RPS6KA4: variants seen among roughly 807,000 people sequenced by gnomAD.
RPS6KA4 encodes ribosomal protein S6 kinase alpha-4.
RPS6KA4 carries 38 observed loss-of-function variants against 89.6 expected under a neutral mutation model. That is an observed-to-expected ratio of 0.42 (90% confidence interval 0.33 to 0.56). RPS6KA4 has a LOEUF of 0.56. RPS6KA4 is among the 20% of genes least tolerant of loss of function. RPS6KA4 has a pLI of 0.07. For synonymous variants in RPS6KA4, 495 were observed against 492.8 expected, an observed-to-expected ratio of 1.00 and a Z score of -0.06; for missense variants, 873 against 1,098.8, an observed-to-expected ratio of 0.79 and a Z score of 2.90.
At chr11:64,367,469 C>T (rs1408196183) in intron 9 of RPS6KA4, among the ~76,000 whole-genome samples, 2 of 152,194 alleles carry the variant, frequency 1.3e-5, no homozygotes, top group Non-Finnish European at 2.9e-5. Context: ...TGCCACCACG[C>T]CTGGCTAATT....
At chr11:64,368,322 C>T in intron 10 of RPS6KA4, 62 bp downstream of exon 10, 1 of 1,583,684 alleles carries the variant, frequency 6.3e-7, no homozygotes, top group Non-Finnish European at 8.6e-7. Context: ...GGCCCGGGGA[C>T]TCTAGGCCTA....
rs1306825375 is a variant in RPS6KA4 at position 64,368,933 on chromosome 11, G to T, written c.1428+136G>T. 9 of 799,998 alleles carry T rather than the reference G, an allele frequency of 1.1e-5. No homozygotes were observed. The East Asian group carries it at 1.6e-4, about 14-fold the overall frequency. 49.6% of individuals were successfully genotyped at this position (799,998 alleles called of 1,614,324 possible). A position where few individuals can be genotyped will look rare whatever the true frequency, so the allele number is the denominator to read the frequency against. Reference sequence around the variant, plus strand: ...CGGGGCCCAAAGGGACCAGGGAGGCGCAGGGAGTGGAATTTGAGGGGAGTA... The same window carrying T: ...CGGGGCCCAAAGGGACCAGGGAGGCTCAGGGAGTGGAATTTGAGGGGAGTA... On this transcript the variant is annotated intron_variant, in intron 12 of 16. Transcript: ENST00000334205.
chr11:64,371,589 T>G lies in RPS6KA4; in HGVS notation c.*109T>G. 1 of 588,038 alleles carries G rather than the reference T, an allele frequency of 1.7e-6. No homozygotes were observed. Among genetic ancestry groups the G allele is most frequent in the East Asian group, 2.9e-5 (1 of 34,990 alleles). The allele number at this position is 588,038 out of a possible 1,614,324, so 36.4% of individuals were successfully genotyped here. A position where few individuals can be genotyped will look rare whatever the true frequency, so the allele number is the denominator to read the frequency against. ...ACCTGATCCCCAAGGGACTGTCCTT[T>G]CCTCTCCTACCCCACCCCACTCCCA... On this transcript the variant is annotated 3_prime_UTR_variant, in exon 17 of 17. Transcript: ENST00000334205.
At position 64,369,481 on chromosome 11, in the gene RPS6KA4, C is replaced by T; in HGVS notation, c.1464C>T (p.Gly488=). The part of the protein sequence containing the change: ...HTYLVLELLR[G]GELLEHIRKK... ...ACCTGGTCCTGGAGCTGCTGCGGGGCGGGGAGCTGCTGGAGCACATCCGCA... is the reference window on the plus strand; with the variant it reads ...ACCTGGTCCTGGAGCTGCTGCGGGGTGGGGAGCTGCTGGAGCACATCCGCA... The change falls in exon 13 of 17, where the codon GGC becomes GGT. Residue 488 remains glycine (G), a synonymous_variant. Transcript: ENST00000334205. The T allele has an allele frequency of 1.2e-6, 2 of 1,608,634 alleles. No individual in the cohort carries two copies. Among genetic ancestry groups the T allele is most frequent in the Non-Finnish European group, 1.7e-6 (2 of 1,178,650 alleles).
In RPS6KA4 at chr11:64,365,363, C is replaced by G; in HGVS notation, c.969C>G (p.Arg323=). The change falls in exon 9 of 17, where the codon CGC becomes CGG. Residue 323 remains arginine, a synonymous_variant. Transcript: ENST00000334205. ...KIPAPFRPQI[R]SELDVGNFAE... ...CAGCCCCATTCCGGCCCCAAATCCG[C>G]TCAGAGCTGGATGTGGGCAACTTTG... is the stretch of plus-strand genomic sequence containing the variant. 1 of 1,614,132 alleles carries G rather than the reference C, an allele frequency of 6.2e-7. No homozygotes were observed. Among genetic ancestry groups the G allele is most frequent in the Non-Finnish European group, 8.5e-7 (1 of 1,180,008 alleles).
At position 64,361,727 on chromosome 11, in the gene RPS6KA4, C is replaced by T. The variant is rs545430280; in HGVS notation, c.737C>T (p.Thr246Met). 8.2e-5 allele frequency: 132 copies of T among 1,607,274 alleles called. No homozygotes were observed. In the South Asian group the frequency reaches 1.3e-3, roughly 16 times the overall value. ...SPFTLEGERN[T>M]QAEVSRRILK... ...TTCACCCTGGAGGGCGAGAGGAACACGCAGGCTGAGGTGTCTCGGTGAGTA... is the reference window on the plus strand; with the variant it reads ...TTCACCCTGGAGGGCGAGAGGAACATGCAGGCTGAGGTGTCTCGGTGAGTA... The change falls in exon 7 of 17, where the codon ACG becomes ATG. Residue 246 changes from threonine (T) to methionine (M), a missense_variant. Thr to Met is a moderately conservative substitution (Grantham distance 81, BLOSUM62 -1). Coordinates refer to ENST00000334205, the MANE Select transcript of RPS6KA4 (RefSeq NM_003942.3). The surrounding 1 kb of genome is among the most constrained non-coding windows in gnomAD (Gnocchi z 4.7).
At position 64,368,145 on chromosome 11, in the gene RPS6KA4, T is replaced by C; in HGVS notation, c.1085T>C (p.Val362Ala). The C allele has an allele frequency of 5.0e-6, 8 of 1,613,610 alleles. No individual in the cohort carries two copies. Among genetic ancestry groups the C allele is most frequent in the Non-Finnish European group, 6.8e-6 (8 of 1,180,010 alleles). The change falls in exon 10 of 17, where the codon GTG (valine) becomes GCG (alanine). Residue 362 changes from valine to alanine, a missense_variant. Around this residue, in one of 4 missense-constraint regions of RPS6KA4, gnomAD observed 542 missense variants for 736.4 expected, o/e 0.74. Coordinates refer to ENST00000334205, the MANE Select transcript of RPS6KA4 (RefSeq NM_003942.3). ...DPRIFQGYSF[V>A]APSILFDHNN... Reference sequence around the variant, plus strand: ...CCCGCCCTGCAGGGATACTCCTTTGTGGCACCCTCCATTCTCTTTGACCAC... The same window carrying C: ...CCCGCCCTGCAGGGATACTCCTTTGCGGCACCCTCCATTCTCTTTGACCAC...
rs1429042505 is a variant in RPS6KA4 at position 64,369,713 on chromosome 11, C to T, written c.1617C>T (p.Ala539=). The change falls in exon 14 of 17, where the codon GCC becomes GCT. Residue 539 remains alanine (A), a synonymous_variant. Coordinates refer to ENST00000334205, the MANE Select transcript of RPS6KA4 (RefSeq NM_003942.3). The part of the protein sequence containing the change: ...RDLKPENILY[A]DDTPGAPVKI... ...CGCCCTCGCAGAACATCCTGTACGC[C>T]GACGACACGCCCGGGGCCCCGGTGA... 2.5e-6 allele frequency: 4 copies of T among 1,608,726 alleles called. No homozygotes were observed. The highest frequency in any genetic ancestry group is 3.4e-6 in the Non-Finnish European group (4 of 1,177,174).
chr11:64,365,590 G>A, intron 9 of RPS6KA4, 125 bp downstream of exon 9: 1 of 1,023,996 alleles, frequency 9.8e-7, no homozygotes, highest in Non-Finnish European at 1.4e-6. Flanking sequence ...GTCTCCCCTA[G>A]ACGTCGCCAC....
chr11:64,359,361 G>A lies in RPS6KA4; in HGVS notation c.56-17G>A, dbSNP rs779359203. On this transcript the variant is annotated splice_polypyrimidine_tract_variant and intron_variant, in intron 1 of 16. Transcript: ENST00000334205. ...GGTCATGGACCGGCTGGGCTCATTC[G>A]CCCCCTGTGCCCACAGCCAACCTGA... The A allele has an allele frequency of 1.2e-6, 2 of 1,612,162 alleles. No individual in the cohort carries two copies. Among genetic ancestry groups the A allele is most frequent in the Non-Finnish European group, 1.7e-6 (2 of 1,179,464 alleles).
At position 64,371,477 on chromosome 11, in the gene RPS6KA4, C is replaced by T; in HGVS notation, c.2316C>T (p.Ser772=). The change falls in exon 17 of 17, where the codon TCC becomes TCT. Residue 772 remains serine (S), a synonymous_variant. Coordinates refer to ENST00000334205, the MANE Select transcript of RPS6KA4 (RefSeq NM_003942.3). ...GAGCCAACGGCCCCCTGCCCCCCTC[C>T]TAATCCCCACCACTGTGACCCCCTT... is the stretch of plus-strand genomic sequence containing the variant. ...PRRANGPLPP[S] 1 of 1,166,038 alleles carries T rather than the reference C, an allele frequency of 8.6e-7. No homozygotes were observed. Among genetic ancestry groups the T allele is most frequent in the Non-Finnish European group, 1.2e-6 (1 of 804,328 alleles). 72.2% of individuals were successfully genotyped at this position (1,166,038 alleles called of 1,614,324 possible). A position where few individuals can be genotyped will look rare whatever the true frequency, so the allele number is the denominator to read the frequency against.
At position 64,369,582 on chromosome 11, in the gene RPS6KA4, A is replaced by C; in HGVS notation, c.1565A>C (p.Glu522Ala). 1 of 1,606,122 alleles carries C rather than the reference A, an allele frequency of 6.2e-7. No homozygotes were observed. Among genetic ancestry groups the C allele is most frequent in the African/African-American group, 1.3e-5 (1 of 74,934 alleles). The change falls in exon 13 of 17, where the codon GAG (glutamate) becomes GCG (alanine). Residue 522 changes from glutamate (E) to alanine (A), a missense_variant. This residue lies in a region of RPS6KA4 where 542 missense variants were observed against 736.4 expected (regional missense o/e 0.74). Coordinates refer to ENST00000334205, the MANE Select transcript of RPS6KA4 (RefSeq NM_003942.3). ...GTGTCGGCCGTGAGCTTCATGCACG[A>C]GGAGGCGGGCGTGGTGCACCGCGAC... ...SLVSAVSFMH[E>A]EAGVVHRDLK...
chr11:64,359,182 G>A lies in RPS6KA4; in HGVS notation c.-54G>A. 8.1e-7 allele frequency: 1 copy of A among 1,241,410 alleles called. No homozygotes were observed. Among genetic ancestry groups the A allele is most frequent in the Non-Finnish European group, 1.0e-6 (1 of 985,314 alleles). The allele number at this position is 1,241,410 out of a possible 1,614,324, so 76.9% of individuals were successfully genotyped here. A position where few individuals can be genotyped will look rare whatever the true frequency, so the allele number is the denominator to read the frequency against. On this transcript the variant is annotated 5_prime_UTR_variant, in exon 1 of 17. An upstream start codon of the reference 5' UTR is lost. Coordinates refer to ENST00000334205, the MANE Select transcript of RPS6KA4 (RefSeq NM_003942.3). ...CGCCCGCCCCGGCCGGAGCCGCCAT[G>A]TAACCGGCGCCGCCCGGAGCCCGAG...
chr11:64,366,373 G>T (rs1318259946), intron 9 of RPS6KA4, among the ~76,000 whole-genome samples: 4 of 152,116 alleles, frequency 2.6e-5, no homozygotes, highest in Non-Finnish European at 4.4e-5. Context: ...GTTTCACCAT[G>T]TTGGCCTGGA....
At chr11:64,360,059 C>A in intron 2 of RPS6KA4, 104 bp from the exon 3 acceptor site, 2 of 1,093,942 alleles carry the variant, frequency 1.8e-6, no homozygotes, top group South Asian at 1.6e-5. Context: ...CCAGCTCCTT[C>A]GCCTCATTTG....
Position 64,370,735 on chromosome 11 carries a change from C to T in RPS6KA4, c.2121+9C>T. The stretch of plus-strand genomic sequence containing the variant: ...TCAACGCCACCTTCATGGTAAGGGG[C>T]AGGGTCTGTTGAAGGGAAGGGGTGG... On this transcript the variant is annotated intron_variant, in intron 16 of 16. Coordinates refer to ENST00000334205, the MANE Select transcript of RPS6KA4 (RefSeq NM_003942.3). The surrounding 1 kb of genome is among the most constrained non-coding windows in gnomAD (Gnocchi z 4.1). 1 of 1,532,636 alleles carries T rather than the reference C, an allele frequency of 6.5e-7. No homozygotes were observed. Among genetic ancestry groups the T allele is most frequent in the South Asian group, 1.2e-5 (1 of 83,314 alleles). The allele number at this position is 1,532,636 out of a possible 1,614,324, so 94.9% of individuals were successfully genotyped here. A position where few individuals can be genotyped will look rare whatever the true frequency, so the allele number is the denominator to read the frequency against.
Position 64,371,454 on chromosome 11 carries a change from G to A in RPS6KA4, c.2293G>A (p.Ala765Thr). The change falls in exon 17 of 17, where the codon GCC (alanine) becomes ACC (threonine). Residue 765 changes from alanine to threonine, a missense_variant. Physicochemically the swap from Ala to Thr is moderately conservative, Grantham distance 58. Coordinates refer to ENST00000334205, the MANE Select transcript of RPS6KA4 (RefSeq NM_003942.3). ...CGCCTCCAAAGGGGCCCCCCGCCGA[G>A]CCAACGGCCCCCTGCCCCCCTCCTA... is the stretch of plus-strand genomic sequence containing the variant. ...PVASKGAPRRANGPLPPS is the reference protein window; with the variant it reads ...PVASKGAPRRTNGPLPPS 1 of 1,500,074 alleles carries A rather than the reference G, an allele frequency of 6.7e-7. No homozygotes were observed. Among genetic ancestry groups the A allele is most frequent in the Non-Finnish European group, 9.1e-7 (1 of 1,093,888 alleles). The allele number at this position is 1,500,074 out of a possible 1,614,324, so 92.9% of individuals were successfully genotyped here. A position where few individuals can be genotyped will look rare whatever the true frequency, so the allele number is the denominator to read the frequency against.
intron 9 of RPS6KA4, 148 bp downstream of exon 9, chr11:64,365,613 T>G: frequency 1.3e-6 from 1 of 765,372 alleles, no homozygotes; most frequent in Non-Finnish European, 2.0e-6. Flanking sequence ...CAGTGGGACC[T>G]AGGGTTGTCA....
At chr11:64,369,361 G>A (rs1426667609) in intron 12 of RPS6KA4, 85 bp from the exon 13 acceptor site, 2 of 1,413,872 alleles carry the variant, frequency 1.4e-6, no homozygotes, top group African/African-American at 1.5e-5. Context: ...GGCAGGGCCC[G>A]AAGGCCGGGG....
Sources: gnomAD v4.1 joint callset for allele counts (sites outside exome capture counted in the v4.1 genomes callset) on GRCh38, gnomAD v4.1.1 for gene constraint, gnomAD v4.1.1 regional missense constraint, Gnocchi (gnomAD v3.1) non-coding constraint, MANE v1.5 for transcripts, NCBI Gene and HGNC (gene_info 2026-07-23, HGNC 2026-07-21) for gene names.